Variants in SDK1 observed in about 807,000 individuals in gnomAD.
The protein encoded by SDK1 is protein sidekick-1.
Under a neutral mutation model 245.5 loss-of-function variants are expected in SDK1, and 157 were observed. That is an observed-to-expected ratio of 0.64 (90% CI 0.56 to 0.73). The LOEUF (loss-of-function observed/expected upper bound fraction) is 0.73. Among genes scored for constraint, SDK1 ranks in the 30% least tolerant of loss-of-function variants. The pLI, the probability that SDK1 is intolerant of heterozygous loss-of-function variation, is 0.00. For synonymous variants in SDK1, 1,647 were observed against 1,278.5 expected (o/e 1.29, Z -6.15); for missense variants, 3,583 against 3,002.3 (o/e 1.19, Z -4.52).
chr7:4,039,257 C>T (rs1788430891), intron 17 of SDK1, among the ~76,000 whole-genome samples: 1 of 151,666 alleles, frequency 6.6e-6, no homozygotes, highest in South Asian at 2.1e-4. Context: ...ACATATGTAA[C>T]TAACCAGCAC....
At chr7:3,381,389 C>G (rs1425930500) in intron 1 of SDK1, among the ~76,000 whole-genome samples, 1 of 151,982 alleles carries the variant, frequency 6.6e-6, no homozygotes, top group Non-Finnish European at 1.5e-5. Flanking sequence ...AGAAAGAGCA[C>G]CCGCACTGGT....
chr7:3,337,708 G>C (rs1780239713), intron 1 of SDK1, among the ~76,000 whole-genome samples: 1 of 152,200 alleles, frequency 6.6e-6, no homozygotes, highest in African/African-American at 2.4e-5. Flanking sequence ...TTCTCATCTG[G>C]AATGATGGTG....
intron 1 of SDK1, among the ~76,000 whole-genome samples, chr7:3,407,173 C>T (rs1779077864): frequency 6.6e-6 from 1 of 152,284 alleles, no homozygotes; most frequent in Admixed American, 6.5e-5. Context: ...CACACTGGCT[C>T]CTCTTTCCTG....
At position 3,646,667 on chromosome 7, in the gene SDK1, G is replaced by C. The variant is rs377544034; in HGVS notation, c.713+4562G>C. On this transcript the variant is annotated intron_variant, in intron 4 of 44. Transcript: ENST00000404826. ...TTGGCTGATAATTTTTTATGTTTTT[G>C]ATTATTTTTTCCATACATTGCTCTA... is the stretch of plus-strand genomic sequence containing the variant. Among the ~76,000 whole-genome samples the C allele has an allele frequency of 1.5e-4, 23 of 152,190 alleles. No individual in the cohort carries two copies. In the East Asian group the frequency reaches 3.9e-3, roughly 26 times the overall value.
At chr7:3,726,460 A>G (rs1779011301) in intron 4 of SDK1, among the ~76,000 whole-genome samples, 1 of 152,182 alleles carries the variant, frequency 6.6e-6, no homozygotes, top group Admixed American at 6.5e-5. Context: ...CCCAACTCTC[A>G]CCCTTTTGCA....
chr7:3,940,948 C>T (rs1780344736), intron 5 of SDK1, among the ~76,000 whole-genome samples: 1 of 151,956 alleles, frequency 6.6e-6, no homozygotes, highest in Admixed American at 6.5e-5. Flanking sequence ...GCCCATGTAC[C>T]CCCTGAACCT....
At chr7:3,787,127 A>C (rs190892730) in intron 4 of SDK1, among the ~76,000 whole-genome samples, 308 of 150,198 alleles carry the variant, frequency 2.1e-3, no homozygotes, top group Admixed American at 3.2e-3. Flanking sequence ...TTTATTCCAG[A>C]AAAGACTTAG....
intron 4 of SDK1, among the ~76,000 whole-genome samples, chr7:3,719,216 G>C (rs994865222): frequency 6.8e-6 from 1 of 147,886 alleles, no homozygotes; most frequent in African/African-American, 2.5e-5. Context: ...AAATCAGAGA[G>C]ACTTTGGGGA....
At chr7:3,694,116 A>T (rs1184032128) in intron 4 of SDK1, among the ~76,000 whole-genome samples, 2 of 152,190 alleles carry the variant, frequency 1.3e-5, no homozygotes, top group African/African-American at 4.8e-5. Flanking sequence ...TGGAAGGCAA[A>T]TTGTAAAAGA....
At chr7:4,264,818 A>G (rs1221398387) in intron 44 of SDK1, among the ~76,000 whole-genome samples, 1 of 152,082 alleles carries the variant, frequency 6.6e-6, no homozygotes, top group African/African-American at 2.4e-5. Context: ...CTGAGTGGGG[A>G]GGCTGCATAG....
At chr7:3,450,340 G>A (rs1410257139) in intron 1 of SDK1, among the ~76,000 whole-genome samples, 1 of 152,176 alleles carries the variant, frequency 6.6e-6, no homozygotes, top group Admixed American at 6.5e-5. Flanking sequence ...GGACTTCTCT[G>A]GACAAATGTG....
intron 1 of SDK1, among the ~76,000 whole-genome samples, chr7:3,395,449 C>T (rs761041473): frequency 1.4e-4 from 21 of 151,674 alleles, no homozygotes; most frequent in African/African-American, 2.7e-4. Flanking sequence ...TAATTTGTCT[C>T]GCTTTGCTAT....
intron 1 of SDK1, among the ~76,000 whole-genome samples, chr7:3,448,569 T>C (rs115382878): frequency 5.3e-5 from 8 of 152,168 alleles, no homozygotes; most frequent in Non-Finnish European, 8.8e-5. Context: ...AATTCTCTTA[T>C]GAATGTTACT....
intron 1 of SDK1, among the ~76,000 whole-genome samples, chr7:3,603,987 T>C (rs1002658590): frequency 6.6e-5 from 10 of 152,350 alleles, no homozygotes; most frequent in African/African-American, 2.2e-4. Flanking sequence ...ATTACCTTTA[T>C]TGATTTGCGT....
At chr7:3,530,285 C>A (rs2128617734) in intron 1 of SDK1, among the ~76,000 whole-genome samples, 1 of 152,208 alleles carries the variant, frequency 6.6e-6, no homozygotes, top group East Asian at 1.9e-4. Context: ...ATTTCTGATG[C>A]AAGAATATCA....
chr7:4,015,276 G>C (rs1384841646), intron 16 of SDK1, among the ~76,000 whole-genome samples: 4 of 152,156 alleles, frequency 2.6e-5, no homozygotes, highest in Admixed American at 1.3e-4. Context: ...TGGTTCCTCA[G>C]CTCTTCCCTG....
intron 19 of SDK1, among the ~76,000 whole-genome samples, chr7:4,053,832 C>T (rs2128167847): frequency 6.6e-6 from 1 of 152,278 alleles, no homozygotes; most frequent in Non-Finnish European, 1.5e-5. Context: ...CCCAGAAGTT[C>T]TTCCCATACT....
At chr7:3,505,684 G>A (rs1457397204) in intron 1 of SDK1, among the ~76,000 whole-genome samples, 2 of 151,962 alleles carry the variant, frequency 1.3e-5, no homozygotes, top group Non-Finnish European at 2.9e-5. Flanking sequence ...AATAAACTCG[G>A]CCCTCTATGT....
chr7:3,726,208 T>C (rs1005500681), intron 4 of SDK1, among the ~76,000 whole-genome samples: 3 of 152,222 alleles, frequency 2.0e-5, no homozygotes, highest in Non-Finnish European at 4.4e-5. Flanking sequence ...TAAAACTCTT[T>C]ACACTGCTCC....
Sources: allele counts gnomAD v4.1 joint callset (sites outside exome capture counted in the v4.1 genomes callset), GRCh38; gene constraint gnomAD v4.1.1; transcripts MANE v1.5; gene names NCBI Gene and HGNC (gene_info 2026-07-23, HGNC 2026-07-21).